ACO2: variants seen among roughly 807,000 people sequenced by gnomAD.
ACO2 encodes aconitate hydratase, mitochondrial.
Under a neutral mutation model 84.5 loss-of-function variants are expected in ACO2, and 31 were observed. That is an observed-to-expected ratio of 0.37 (90% CI 0.28 to 0.50). The LOEUF (loss-of-function observed/expected upper bound fraction) is 0.50. ACO2 is among the 20% of genes least tolerant of loss of function. The pLI is 0.97. For missense variants in ACO2, 685 were observed against 1,029.3 expected, an observed-to-expected ratio of 0.67 and a Z score of 4.58; for synonymous variants, 414 against 412.7, an observed-to-expected ratio of 1.00 and a Z score of -0.04.
intron 1 of ACO2, among the ~76,000 whole-genome samples, chr22:41,493,999 C>T (rs937248626): frequency 2.6e-5 from 4 of 152,190 alleles, no homozygotes; most frequent in Non-Finnish European, 5.9e-5. Flanking sequence ...ACAGAGGTTG[C>T]AGTGAGCTGA....
chr22:41,522,178 T>C (rs147545426), intron 9 of ACO2, among the ~76,000 whole-genome samples: 1 of 152,258 alleles, frequency 6.6e-6, no homozygotes, highest in East Asian at 1.9e-4. Context: ...AAACAATTTA[T>C]TGAATTAGCC....
chr22:41,479,818 T>G (rs1225411346), intron 1 of ACO2, among the ~76,000 whole-genome samples: 1 of 152,174 alleles, frequency 6.6e-6, no homozygotes, highest in Non-Finnish European at 1.5e-5. Flanking sequence ...GAGCAGGGCT[T>G]GGGATTTGTA....
chr22:41,488,099 C>T (rs1276206728), intron 1 of ACO2, among the ~76,000 whole-genome samples: 1 of 152,116 alleles, frequency 6.6e-6, no homozygotes, highest in Non-Finnish European at 1.5e-5. Context: ...AATCTTGCAC[C>T]TAATGTGCAC....
intron 9 of ACO2, 49 bp from the exon 10 acceptor site, chr22:41,522,781 G>A: frequency 3.8e-6 from 6 of 1,594,764 alleles, no homozygotes; most frequent in Non-Finnish European, 5.1e-6. Context: ...GGAGACCTCT[G>A]CTCACTGTCT....
chr22:41,517,344 C>G (rs900421007), intron 6 of ACO2, 183 bp from the exon 7 acceptor site: 3 of 587,738 alleles, frequency 5.1e-6, no homozygotes, highest in Non-Finnish European at 9.3e-6. Flanking sequence ...ATGGCCTCCC[C>G]TCACCGGCCC....
chr22:41,480,095 A>G (rs1302608588), intron 1 of ACO2, among the ~76,000 whole-genome samples: 1 of 152,164 alleles, frequency 6.6e-6, no homozygotes, highest in Non-Finnish European at 1.5e-5. Flanking sequence ...TTCTTAGGAG[A>G]GGAGCCAGGC....
Position 41,523,815 on chromosome 22 carries a change from C to A in ACO2, c.1371-15C>A. ...AGGCCAGATATCCCTAACCCTGATC[C>A]CTCTGACCTGGCAGGAAGGACATCA... On this transcript the variant is annotated splice_polypyrimidine_tract_variant and intron_variant, in intron 11 of 17. Coordinates refer to ENST00000216254, the MANE Select transcript of ACO2 (RefSeq NM_001098.3). The A allele has an allele frequency of 6.2e-7, 1 of 1,607,186 alleles. No homozygotes were observed. The highest frequency in any genetic ancestry group is 8.5e-7 in the Non-Finnish European group (1 of 1,175,590).
At chr22:41,514,349 A>T (rs1223923656) in intron 4 of ACO2, among the ~76,000 whole-genome samples, 2 of 152,206 alleles carry the variant, frequency 1.3e-5, no homozygotes, top group Non-Finnish European at 2.9e-5. Context: ...ATAAATAAAA[A>T]TGTTGCTTCC....
intron 1 of ACO2, among the ~76,000 whole-genome samples, chr22:41,475,616 C>T (rs1355027675): frequency 3.9e-5 from 6 of 151,928 alleles, no homozygotes; most frequent in South Asian, 2.1e-4. Context: ...GCAAATGGGC[C>T]GGACGTGGTG....
At chr22:41,482,292 C>G (rs140090147) in intron 1 of ACO2, among the ~76,000 whole-genome samples, 59 of 152,366 alleles carry the variant, frequency 3.9e-4, no homozygotes, top group African/African-American at 1.4e-3. Context: ...GCCGCTGGGC[C>G]TGAAGCAGAG....
rs1034241755 is a variant in ACO2 at position 41,526,616 on chromosome 22, G to A, written c.1953+163G>A. On this transcript the variant is annotated intron_variant, in intron 15 of 17. Transcript: ENST00000216254. The stretch of plus-strand genomic sequence containing the variant: ...GAGAGGCCTGCAGCCCCTCCCTGTG[G>A]CTGAGAAGGCATGAGGCCCAGGTCC... The A allele has an allele frequency of 9.9e-6, 7 of 710,182 alleles. No individual in the cohort carries two copies. The Admixed American group carries it at 2.2e-4, about 22-fold the overall frequency. 44.0% of individuals were successfully genotyped at this position (710,182 alleles called of 1,614,324 possible).
In ACO2 at chr22:41,528,661, T is replaced by G; in HGVS notation, c.*48T>G. On this transcript the variant is annotated 3_prime_UTR_variant, in exon 18 of 18. Coordinates refer to ENST00000216254, the MANE Select transcript of ACO2 (RefSeq NM_001098.3). ...CGCTGGCGTCAAGTTCAGCTCCACG[T>G]GTGCCATCAGTGGATCCGATCCGTC... The G allele has an allele frequency of 6.2e-7, 1 of 1,602,096 alleles. No individual in the cohort carries two copies. The highest frequency in any genetic ancestry group is 8.5e-7 in the Non-Finnish European group (1 of 1,176,352).
chr22:41,485,117 T>C (rs974788429), intron 1 of ACO2, among the ~76,000 whole-genome samples: 5 of 152,084 alleles, frequency 3.3e-5, no homozygotes, highest in Admixed American at 3.3e-4. Flanking sequence ...CCTCAGGTAA[T>C]CCACCCACCT....
At chr22:41,485,082 G>A (rs1275573432) in intron 1 of ACO2, among the ~76,000 whole-genome samples, 1 of 152,022 alleles carries the variant, frequency 6.6e-6, no homozygotes, top group East Asian at 1.9e-4. Flanking sequence ...TCTCCATGTT[G>A]GTCAGGCTAG....
intron 1 of ACO2, 134 bp downstream of exon 1, chr22:41,469,316 C>T (rs2037910034): frequency 9.1e-7 from 1 of 1,103,092 alleles, no homozygotes; most frequent in Non-Finnish European, 1.3e-6. Context: ...GTTGTGGGCC[C>T]GGCACCCGTG....
At chr22:41,477,818 G>A (rs2038037231) in intron 1 of ACO2, among the ~76,000 whole-genome samples, 1 of 152,028 alleles carries the variant, frequency 6.6e-6, no homozygotes, top group East Asian at 2.0e-4. Flanking sequence ...TGTAATCCCA[G>A]CACTTTGGGA....
intron 6 of ACO2, among the ~76,000 whole-genome samples, chr22:41,516,890 T>A (rs1601918593): frequency 6.6e-6 from 1 of 150,870 alleles, no homozygotes; most frequent in Non-Finnish European, 1.5e-5. Context: ...GCCTGGCTAA[T>A]TTTTTTTGTA....
At chr22:41,470,799 T>C (rs1271402641) in intron 1 of ACO2, among the ~76,000 whole-genome samples, 1 of 152,174 alleles carries the variant, frequency 6.6e-6, no homozygotes, top group African/African-American at 2.4e-5. Context: ...TGCCTTGGCC[T>C]CCCAAAGTCC....
chr22:41,504,635 G>C (rs966357641), intron 2 of ACO2, among the ~76,000 whole-genome samples: 3 of 149,158 alleles, frequency 2.0e-5, no homozygotes, highest in African/African-American at 7.4e-5. Context: ...CCTCAGGCTA[G>C]TGCTGTTTTT....
Sources: gnomAD v4.1 joint callset for allele counts (sites outside exome capture counted in the v4.1 genomes callset) on GRCh38, gnomAD v4.1.1 for gene constraint, MANE v1.5 for transcripts, NCBI Gene and HGNC (gene_info 2026-07-23, HGNC 2026-07-21) for gene names.